BTBD19: variants seen among roughly 807,000 people sequenced by gnomAD.
BTBD19 encodes the protein BTB domain containing 19.
BTBD19 carries 20 observed loss-of-function variants against 36.1 expected under a neutral mutation model. The ratio of observed to expected loss-of-function variants is 0.55; its 90% CI spans 0.39 to 0.80. The LOEUF is 0.80. Ranked by LOEUF, BTBD19 falls within the 30% of genes least tolerant of loss-of-function variation. The pLI is 0.00. For missense variants in BTBD19, 325 were observed against 389.8 expected (o/e 0.83, Z 1.40); for synonymous variants, 157 against 174.3 (o/e 0.90, Z 0.78).
intron 1 of BTBD19, among the ~76,000 whole-genome samples, chr1:44,809,587 C>G (rs1652302999): frequency 6.6e-6 from 1 of 152,218 alleles, no homozygotes; most frequent in African/African-American, 2.4e-5. Flanking sequence ...AGGCTTTGGA[C>G]CTGGGACTAA....
At chr1:44,811,286 G>C (rs982624063) in intron 3 of BTBD19, among the ~76,000 whole-genome samples, 2 of 151,966 alleles carry the variant, frequency 1.3e-5, no homozygotes, top group African/African-American at 4.8e-5. Context: ...TGTATGGGGG[G>C]ACTCTCCAGT....
rs1652496032 is a variant in BTBD19 at position 44,812,992 on chromosome 1, G to A, written c.415-4G>A. On this transcript the variant is annotated splice_region_variant and splice_polypyrimidine_tract_variant and intron_variant, in intron 4 of 7. Coordinates refer to ENST00000450269, the Ensembl canonical transcript of BTBD19. ...CAACCTGATCTCCCTCATTCTGCTC[G>A]CAGGTGGCCGTAACCTTTGGCCTGG... The A allele has an allele frequency of 1.9e-6, 3 of 1,549,506 alleles. No homozygotes were observed. The highest frequency in any genetic ancestry group is 2.6e-6 in the Non-Finnish European group (3 of 1,145,712).
chr1:44,811,864 T>G (rs1367980039), intron 3 of BTBD19, 175 bp from the exon 4 acceptor site: 5 of 414,594 alleles, frequency 1.2e-5, no homozygotes, highest in African/African-American at 2.1e-5. Flanking sequence ...CTCCAGTTCC[T>G]GTAAGCCTGC....
At chr1:44,812,871 G>C in intron 4 of BTBD19, 125 bp from the exon 5 acceptor site, 1 of 759,858 alleles carries the variant, frequency 1.3e-6, no homozygotes, top group East Asian at 2.7e-5. Context: ...TTTCCTGGAG[G>C]GCTGAGGGCC....
At position 44,810,438 on chromosome 1, in the gene BTBD19, G is replaced by T; in HGVS notation, c.300+12G>T. ...TGTACCGCCACTCTGTGAGCCTGCTGACCAGGGGCCTGGGTGGGAGAGGTG... is the reference window on the plus strand; with the variant it reads ...TGTACCGCCACTCTGTGAGCCTGCTTACCAGGGGCCTGGGTGGGAGAGGTG... On this transcript the variant is annotated intron_variant, in intron 2 of 7. Coordinates refer to ENST00000450269, the Ensembl canonical transcript of BTBD19. This position sits in a 1 kb window ranked among gnomAD's most constrained non-coding sequence, Gnocchi z 4.2. 6.4e-7 allele frequency: 1 copy of T among 1,551,288 alleles called. No homozygotes were observed. The highest frequency in any genetic ancestry group is 1.2e-5 in the South Asian group (1 of 84,006).
Position 44,812,481 on chromosome 1 carries a change from G to A in BTBD19, c.414+383G>A, listed in dbSNP as rs1329206506. 8 of 454,072 alleles carry A rather than the reference G, an allele frequency of 1.8e-5. No homozygotes were observed. The East Asian group carries it at 5.6e-4, about 32-fold the overall frequency. 28.1% of individuals were successfully genotyped at this position (454,072 alleles called of 1,614,324 possible). ...AGCACTTTTGGAGGCCGAGGCGGGC[G>A]GATCAAGAGGTCAGGAGATCGAGAC... On this transcript the variant is annotated intron_variant, in intron 4 of 7. Coordinates refer to ENST00000450269, the Ensembl canonical transcript of BTBD19.
Position 44,813,222 on chromosome 1 carries a change from G to T in BTBD19, c.568G>T (p.Glu190Ter), listed in dbSNP as rs545997081. Residue 190 changes from glutamate (E) to a stop codon, truncating the protein, a stop_gained, in exon 6 of 8, where the codon GAG (glutamate) becomes TAG (stop). Transcript: ENST00000450269. LOFTEE classifies it high-confidence loss of function. This position sits in a 1 kb window ranked among gnomAD's most constrained non-coding sequence, Gnocchi z 7.8. ...CCGCAGCGACAAGCTCTGCGTGGACGAGGCTGAACTGGTCCGCGCGGCCCG... is the reference window on the plus strand; with the variant it reads ...CCGCAGCGACAAGCTCTGCGTGGACTAGGCTGAACTGGTCCGCGCGGCCCG... 1.9e-6 allele frequency: 3 copies of T among 1,542,918 alleles called. No individual in the cohort carries two copies. The highest frequency in any genetic ancestry group is 1.4e-5 in the African/African-American group (1 of 73,072).
chr1:44,808,717 T>A, exon 1 of BTBD19: 1 of 801,522 alleles, frequency 1.2e-6, no homozygotes, highest in Non-Finnish European at 1.9e-6. Context: ...CAAACAGGCC[T>A]CCCAAGTCCC....
In BTBD19 at chr1:44,813,377, G is replaced by T. The variant is rs1214972730; in HGVS notation, c.619G>T (p.Val207Leu). 1 of 1,546,794 alleles carries T rather than the reference G, an allele frequency of 6.5e-7. No homozygotes were observed. The highest frequency in any genetic ancestry group is 2.0e-5 in the Admixed American group (1 of 50,994). ...GACTCAGGGCTGGCGTTTGCAGGCG[G>T]TGCTGGAGCGGCCGGTGGCTGAGGT... Residue 207 changes from valine to leucine, a missense_variant, in exon 7 of 8, where the codon GTG becomes TTG. Transcript: ENST00000450269. The surrounding 1 kb of genome is among the most constrained non-coding windows in gnomAD (Gnocchi z 7.8).
At chr1:44,808,856 T>C (rs1007474816) in exon 1 of BTBD19, 6 of 1,550,482 alleles carry the variant, frequency 3.9e-6, no homozygotes, top group Non-Finnish European at 4.4e-6. Flanking sequence ...ATGGGAAAGC[T>C]GAACCTTTTT....
rs3795718 is a variant in BTBD19 at position 44,810,755 on chromosome 1, G to A, written c.354+148G>A. ...TATCTCTCCCAAGTAAGTAGGGCAT[G>A]TATGTGTGCCTGTGTGCAAAAGGAT... On this transcript the variant is annotated intron_variant, in intron 3 of 7. Transcript: ENST00000450269. The surrounding 1 kb of genome is among the most constrained non-coding windows in gnomAD (Gnocchi z 4.2). The A allele has an allele frequency of 0.16, 110,547 of 677,246 alleles. 9,596 individuals carry two copies. The highest frequency in any genetic ancestry group is 0.22 in the East Asian group (4,454 of 20,714). The allele number at this position is 677,246 out of a possible 1,614,324, so 42.0% of individuals were successfully genotyped here.
At position 44,814,087 on chromosome 1, in the gene BTBD19, T is replaced by C. The variant is rs575278064; in HGVS notation, c.*315T>C. ...TGGGCATTGTCGTCTACTAGTCTAT[T>C]CTGATGACTCCCACATATCTATCTG... On this transcript the variant is annotated 3_prime_UTR_variant, in exon 8 of 8. Coordinates refer to ENST00000450269, the Ensembl canonical transcript of BTBD19. The C allele has an allele frequency of 4.6e-4, 238 of 522,278 alleles. 2 individuals are homozygous for C. Among genetic ancestry groups the C allele is most frequent in the Non-Finnish European group, 6.7e-4 (197 of 292,406 alleles). The allele number at this position is 522,278 out of a possible 1,614,324, so 32.4% of individuals were successfully genotyped here. A position where few individuals can be genotyped will look rare whatever the true frequency, so the allele number is the denominator to read the frequency against.
chr1:44,814,643 C>G (rs1652635216), downstream of BTBD19: 1 of 150,252 alleles, frequency 6.7e-6, no homozygotes, highest in South Asian at 2.1e-4. Context: ...AACTCCGCCT[C>G]CCGGGTTCAA....
At chr1:44,814,838 G>C (rs945926629), downstream of BTBD19, 1 of 152,178 alleles carries the variant, frequency 6.6e-6, no homozygotes. Context: ...ACAGGTGTGC[G>C]CCACCATGCC....
At chr1:44,814,199 T>TTTCTTTCTTTC, downstream of BTBD19, 1 of 151,392 alleles carries the variant, frequency 6.6e-6, no homozygotes, top group Non-Finnish European at 1.3e-5. Flanking sequence ...TCTTTCTTTC[T>TTTCTTTCTTTC]TTCTTTCTTT....
Position 44,810,057 on chromosome 1 carries a change from C to T in BTBD19, c.87-156C>T, listed in dbSNP as rs1652325592. Among the ~76,000 whole-genome samples, 1 of 152,228 alleles carries T rather than the reference C, an allele frequency of 6.6e-6. No individual in the cohort carries two copies. On this transcript the variant is annotated intron_variant, in intron 1 of 7. Transcript: ENST00000450269. The surrounding 1 kb of genome is among the most constrained non-coding windows in gnomAD (Gnocchi z 4.2). The stretch of plus-strand genomic sequence containing the variant: ...ATTAGGTGGAGCTGGGACTAGAACT[C>T]AGGGCTTTGGGTCCCAGACCTTCTG...
In BTBD19 at chr1:44,810,131, C is replaced by A; in HGVS notation, c.87-82C>A. ...TTACATTCTGGTTAGGAAACTAAGACCCAGAGTGGGCAAAGGCACAGCCCA... is the reference window on the plus strand; with the variant it reads ...TTACATTCTGGTTAGGAAACTAAGAACCAGAGTGGGCAAAGGCACAGCCCA... On this transcript the variant is annotated intron_variant, in intron 1 of 7. Coordinates refer to ENST00000450269, the Ensembl canonical transcript of BTBD19. This position sits in a 1 kb window ranked among gnomAD's most constrained non-coding sequence, Gnocchi z 4.2. The A allele has an allele frequency of 2.4e-6, 3 of 1,256,670 alleles. No homozygotes were observed. The highest frequency in any genetic ancestry group is 3.4e-6 in the Non-Finnish European group (3 of 889,738). 77.8% of individuals were successfully genotyped at this position (1,256,670 alleles called of 1,614,324 possible).
chr1:44,810,669 C>T lies in BTBD19; in HGVS notation c.354+62C>T, dbSNP rs2148863058. Reference sequence around the variant, plus strand: ...TGCTTCTCACGGGCTCACTTCCCGCCCTGCCTCACACACACTCTGGCCTGG... The same window carrying T: ...TGCTTCTCACGGGCTCACTTCCCGCTCTGCCTCACACACACTCTGGCCTGG... On this transcript the variant is annotated intron_variant, in intron 3 of 7. Transcript: ENST00000450269. This position sits in a 1 kb window ranked among gnomAD's most constrained non-coding sequence, Gnocchi z 4.2. 2.1e-6 allele frequency: 3 copies of T among 1,448,178 alleles called. No individual in the cohort carries two copies. The highest frequency in any genetic ancestry group is 2.8e-6 in the Non-Finnish European group (3 of 1,080,452). 89.7% of individuals were successfully genotyped at this position (1,448,178 alleles called of 1,614,324 possible).
chr1:44,809,572 C>T (rs1388798025), intron 1 of BTBD19, among the ~76,000 whole-genome samples: 2 of 152,184 alleles, frequency 1.3e-5, no homozygotes, highest in Non-Finnish European at 2.9e-5. Context: ...TAATGTGAAC[C>T]CCCCAGGCTT....
Sources: allele counts gnomAD v4.1 joint callset (sites outside exome capture counted in the v4.1 genomes callset), GRCh38; gene constraint gnomAD v4.1.1; non-coding constraint Gnocchi (gnomAD v3.1); transcripts MANE v1.5; gene names NCBI Gene and HGNC (gene_info 2026-07-23, HGNC 2026-07-21).